IGF1R: variants seen among roughly 807,000 people sequenced by gnomAD.
IGF1R encodes insulin-like growth factor 1 receptor.
A neutral mutation model predicts 144.6 loss-of-function variants in IGF1R; 44 were observed. The observed-to-expected ratio is 0.30, with a 90% CI of 0.24 to 0.39. IGF1R has a LOEUF of 0.39. Ranked by LOEUF, IGF1R falls within the 10% of genes least tolerant of loss-of-function variation. IGF1R has a pLI of 1.00. For missense variants in IGF1R, 1,355 were observed against 1,833.7 expected, an observed-to-expected ratio of 0.74 and a Z score of 4.77; for synonymous variants, 795 against 722.8, an observed-to-expected ratio of 1.10 and a Z score of -1.60.
Position 98,957,320 on chromosome 15 carries a change from G to A in IGF1R, c.3982G>A (p.Gly1328Ser), listed in dbSNP as rs531850849. The change falls in exon 21 of 21, where the codon GGC (glycine) becomes AGC (serine). Residue 1328 changes from glycine (G) to serine (S), a missense_variant. Physicochemically the swap from Gly to Ser is moderately conservative, Grantham distance 56. Coordinates refer to ENST00000650285, the MANE Select transcript of IGF1R (RefSeq NM_000875.5). ...ACACTCAGGACACAAGGCCGAGAAC[G>A]GCCCCGGCCCTGGGGTGCTGGTCCT... is the stretch of plus-strand genomic sequence containing the variant. Reference protein sequence around the residue: ...DRHSGHKAENGPGPGVLVLRA... With the variant: ...DRHSGHKAENSPGPGVLVLRA... 104 of 1,612,342 alleles carry A rather than the reference G, an allele frequency of 6.5e-5. No homozygotes were observed. The East Asian group carries it at 1.3e-3, about 20-fold the overall frequency.
Position 98,922,250 on chromosome 15 carries a change from G to T in IGF1R, c.2304G>T (p.Pro768=), listed in dbSNP as rs561613742. The T allele has an allele frequency of 6.2e-7, 1 of 1,614,170 alleles. No individual in the cohort carries two copies. The highest frequency in any genetic ancestry group is 8.5e-7 in the Non-Finnish European group (1 of 1,180,024). Reference sequence around the variant, plus strand: ...CAGACACCTACAACATCACCGACCCGGAAGAGCTGGAGACAGAGTACCCTT... The same window carrying T: ...CAGACACCTACAACATCACCGACCCTGAAGAGCTGGAGACAGAGTACCCTT... ...TAADTYNITD[P]EELETEYPFF... is the part of the protein sequence containing the mutation. Residue 768 remains proline, a synonymous_variant, in exon 11 of 21, where the codon CCG becomes CCT. Transcript: ENST00000650285.
At chr15:98,732,037 C>T (rs1224645872) in intron 2 of IGF1R, among the ~76,000 whole-genome samples, 1 of 152,194 alleles carries the variant, frequency 6.6e-6, no homozygotes, top group Non-Finnish European at 1.5e-5. Context: ...CTGATTTCCG[C>T]CTCTGCAACT....
Position 98,957,596 on chromosome 15 carries a change from C to A in IGF1R, c.*154C>A. The A allele has an allele frequency of 1.2e-6, 1 of 853,874 alleles. No homozygotes were observed. The highest frequency in any genetic ancestry group is 1.7e-5 in the African/African-American group (1 of 59,832). The allele number at this position is 853,874 out of a possible 1,614,324, so 52.9% of individuals were successfully genotyped here. On this transcript the variant is annotated 3_prime_UTR_variant, in exon 21 of 21. Transcript: ENST00000650285. ...CTGCCCGCGGGAGACAGCTTCTCTG[C>A]AGTAAAACACATTTGGGATGTTCCT...
intron 2 of IGF1R, among the ~76,000 whole-genome samples, chr15:98,847,396 T>C (rs1041080015): frequency 6.6e-6 from 1 of 152,168 alleles, no homozygotes; most frequent in Non-Finnish European, 1.5e-5. Flanking sequence ...CTAAGAGATG[T>C]GGGCAGTGTA....
intron 2 of IGF1R, among the ~76,000 whole-genome samples, chr15:98,862,982 A>G (rs1018603928): frequency 6.6e-6 from 1 of 152,128 alleles, no homozygotes; most frequent in Non-Finnish European, 1.5e-5. Context: ...CTGAATTCGG[A>G]TTTCACTATT....
chr15:98,662,330 G>A (rs1430030994), intron 1 of IGF1R, among the ~76,000 whole-genome samples: 1 of 152,008 alleles, frequency 6.6e-6, no homozygotes. Flanking sequence ...GAACCCGGAC[G>A]TCTGAGTCTC....
At chr15:98,662,847 T>G (rs945313178) in intron 1 of IGF1R, among the ~76,000 whole-genome samples, 2 of 152,108 alleles carry the variant, frequency 1.3e-5, no homozygotes, top group Non-Finnish European at 2.9e-5. Context: ...CAGTGTGCAC[T>G]GATGGAGTGG....
At chr15:98,678,397 C>T (rs2141209300) in intron 1 of IGF1R, among the ~76,000 whole-genome samples, 1 of 151,760 alleles carries the variant, frequency 6.6e-6, no homozygotes, top group African/African-American at 2.4e-5. Context: ...AATGACTTTT[C>T]CTTTTTACCT....
intron 5 of IGF1R, among the ~76,000 whole-genome samples, chr15:98,906,953 C>T (rs370905316): frequency 6.6e-6 from 1 of 152,192 alleles, no homozygotes; most frequent in African/African-American, 2.4e-5. Flanking sequence ...GCCCAGTGCT[C>T]AGGAAAGGGT....
At chr15:98,805,032 A>C (rs909539575) in intron 2 of IGF1R, among the ~76,000 whole-genome samples, 3 of 152,202 alleles carry the variant, frequency 2.0e-5, no homozygotes, top group African/African-American at 7.2e-5. Context: ...ATAGATTCTC[A>C]CAGATAAGAA....
chr15:98,710,014 T>C (rs942565553), intron 2 of IGF1R, among the ~76,000 whole-genome samples: 2 of 152,222 alleles, frequency 1.3e-5, no homozygotes, highest in Non-Finnish European at 1.5e-5. Context: ...TTATTTAAAT[T>C]GCCTGGGCCT....
intron 2 of IGF1R, among the ~76,000 whole-genome samples, chr15:98,886,530 T>C (rs1431276288): frequency 6.6e-6 from 1 of 152,218 alleles, no homozygotes; most frequent in African/African-American, 2.4e-5. Flanking sequence ...TAGCAGCTTC[T>C]ATTTTCCTCC....
intron 2 of IGF1R, among the ~76,000 whole-genome samples, chr15:98,827,003 C>T (rs1218335969): frequency 6.6e-6 from 1 of 152,164 alleles, no homozygotes; most frequent in Non-Finnish European, 1.5e-5. Flanking sequence ...TCCTTAGAAG[C>T]AAGCACAAGG....
At chr15:98,750,769 A>G (rs1210505912) in intron 2 of IGF1R, among the ~76,000 whole-genome samples, 1 of 152,198 alleles carries the variant, frequency 6.6e-6, no homozygotes, top group East Asian at 1.9e-4. Context: ...TTCTGAGAAC[A>G]GTTAAGTGTA....
intron 2 of IGF1R, among the ~76,000 whole-genome samples, chr15:98,827,825 C>T (rs1442034678): frequency 6.6e-6 from 1 of 152,208 alleles, no homozygotes; most frequent in African/African-American, 2.4e-5. Context: ...TCATGATCCA[C>T]CTGCCTCGGC....
intron 1 of IGF1R, among the ~76,000 whole-genome samples, chr15:98,666,998 T>C (rs2052758670): frequency 6.6e-6 from 1 of 152,082 alleles, no homozygotes; most frequent in Non-Finnish European, 1.5e-5. Flanking sequence ...AGGAGACCAG[T>C]CCTTGTCCAT....
At position 98,962,235 on chromosome 15, in the gene IGF1R, G is replaced by A. The variant is rs780932581; in HGVS notation, c.*4793G>A. 2.1e-4 allele frequency: 48 copies of A among 233,310 alleles called. No homozygotes were observed. Among genetic ancestry groups the A allele is most frequent in the East Asian group, 3.6e-4 (6 of 16,578 alleles). The allele number at this position is 233,310 out of a possible 1,614,324, so 14.5% of individuals were successfully genotyped here. Reference sequence around the variant, plus strand: ...GGCCACTCCCTTCTAAAACACAGGCGCCCTCCTGGTGACAGTGACCCGCCG... The same window carrying A: ...GGCCACTCCCTTCTAAAACACAGGCACCCTCCTGGTGACAGTGACCCGCCG... On this transcript the variant is annotated 3_prime_UTR_variant, in exon 21 of 21. Coordinates refer to ENST00000650285, the MANE Select transcript of IGF1R (RefSeq NM_000875.5).
In IGF1R at chr15:98,707,980, G is replaced by T. The variant is rs373127368; in HGVS notation, c.513G>T (p.Gly171=). ...LDAVSNNYIV[G]NKPPKECGDL... Reference sequence around the variant, plus strand: ...CGGTGTCCAATAACTACATTGTGGGGAATAAGCCCCCAAAGGAATGTGGGG... The same window carrying T: ...CGGTGTCCAATAACTACATTGTGGGTAATAAGCCCCCAAAGGAATGTGGGG... Residue 171 remains glycine, a synonymous_variant, in exon 2 of 21, where the codon GGG becomes GGT. Coordinates refer to ENST00000650285, the MANE Select transcript of IGF1R (RefSeq NM_000875.5). This position sits in a 1 kb window ranked among gnomAD's most constrained non-coding sequence, Gnocchi z 6.7. 3.0e-5 allele frequency: 48 copies of T among 1,614,048 alleles called. No homozygotes were observed. The African/African-American group carries it at 4.4e-4, about 15-fold the overall frequency.
intron 1 of IGF1R, among the ~76,000 whole-genome samples, chr15:98,651,955 ACT>A (rs1258649738): frequency 6.6e-6 from 1 of 152,222 alleles, no homozygotes; most frequent in East Asian, 1.9e-4. Flanking sequence ...AGACCACTTA[ACT>A]CTGATAGAAA....
Sources: allele counts gnomAD v4.1 joint callset (sites outside exome capture counted in the v4.1 genomes callset), GRCh38; gene constraint gnomAD v4.1.1; non-coding constraint Gnocchi (gnomAD v3.1); transcripts MANE v1.5; gene names NCBI Gene and HGNC (gene_info 2026-07-23, HGNC 2026-07-21).